MELK: variants seen among roughly 807,000 people sequenced by gnomAD.
The protein encoded by MELK is maternal embryonic leucine zipper kinase, also known as pEg3 kinase.
MELK carries 81 observed loss-of-function variants against 85.0 expected under a neutral mutation model. The ratio of observed to expected loss-of-function variants is 0.95; its 90% CI spans 0.80 to 1.15. The LOEUF (loss-of-function observed/expected upper bound fraction) is 1.15. MELK is among the 50% of genes most tolerant of loss of function. MELK has a pLI of 0.00. For missense variants in MELK, 754 were observed against 777.5 expected (o/e 0.97, Z 0.36); for synonymous variants, 252 against 265.0 (o/e 0.95, Z 0.48).
intron 8 of MELK, among the ~76,000 whole-genome samples, chr9:36,620,739 C>CG (rs2136212350): frequency 6.6e-6 from 1 of 151,412 alleles, no homozygotes; most frequent in South Asian, 2.1e-4. Flanking sequence ...TTAGTAGAGA[C>CG]GGGGTTTCAC....
chr9:36,665,965 C>G (rs1437072948), intron 14 of MELK, among the ~76,000 whole-genome samples: 1 of 152,180 alleles, frequency 6.6e-6, no homozygotes, highest in Non-Finnish European at 1.5e-5. Flanking sequence ...CCCATTTACC[C>G]CGACTTATGA....
intron 11 of MELK, among the ~76,000 whole-genome samples, chr9:36,646,071 A>G (rs1830192204): frequency 6.6e-6 from 1 of 152,180 alleles, no homozygotes; most frequent in Admixed American, 6.6e-5. Context: ...TACTAATGCC[A>G]TCTAGCGGGT....
intron 8 of MELK, among the ~76,000 whole-genome samples, chr9:36,615,701 C>T (rs1197358023): frequency 3.4e-5 from 5 of 145,702 alleles, no homozygotes; most frequent in South Asian, 2.3e-4. Flanking sequence ...CAGAGGCGCT[C>T]CTCACATCCC....
At chr9:36,608,361 GTTA>G (rs978140237) in intron 8 of MELK, among the ~76,000 whole-genome samples, 6 of 142,600 alleles carry the variant, frequency 4.2e-5, no homozygotes, top group African/African-American at 1.5e-4. Context: ...ATTTTATTAT[GTTA>G]TTGTTAATCT....
At chr9:36,665,071 A>T (rs1336101278) in intron 13 of MELK, among the ~76,000 whole-genome samples, 7 of 152,136 alleles carry the variant, frequency 4.6e-5, no homozygotes, top group Non-Finnish European at 1.5e-5. Flanking sequence ...TTTCTTAGTG[A>T]TTGATTTGTG....
rs370547140 is a variant in MELK, at chr9:36,630,388, A to C, written c.735+21A>C. 3.1e-5 allele frequency: 48 copies of C among 1,559,350 alleles called. No homozygotes were observed. In the African/African-American group the frequency reaches 6.1e-4, roughly 20 times the overall value. On this transcript the variant is annotated intron_variant, in intron 9 of 17. Transcript: ENST00000298048. ...TGCAGGTAAACTTTATTTTTAAATAATAGAAGTCTATTGTAATTGTTTGGT... is the reference window on the plus strand; with the variant it reads ...TGCAGGTAAACTTTATTTTTAAATACTAGAAGTCTATTGTAATTGTTTGGT...
At chr9:36,624,408 T>C (rs564227175) in intron 8 of MELK, among the ~76,000 whole-genome samples, 41 of 152,282 alleles carry the variant, frequency 2.7e-4, no homozygotes, top group African/African-American at 9.6e-4. Context: ...GCCAGAGAGA[T>C]TGAATAACTC....
At chr9:36,585,302 G>GTTTTTTTTTTTTTTTTTTTTT (rs869244728) in intron 3 of MELK, among the ~76,000 whole-genome samples, 1 of 77,830 alleles carries the variant, frequency 1.3e-5, no homozygotes, top group Admixed American at 1.6e-4. Context: ...ACCATTCTTT[G>GTTTTTTTTTTTTTTTTTTTTT]TTTTTTTTTT....
At chr9:36,660,884 G>A (rs370381199) in intron 13 of MELK, among the ~76,000 whole-genome samples, 5 of 152,156 alleles carry the variant, frequency 3.3e-5, no homozygotes, top group African/African-American at 9.6e-5. Flanking sequence ...CCAGCTACTC[G>A]GAAGGCTGAG....
intron 12 of MELK, 104 bp downstream of exon 12, chr9:36,651,981 G>T: frequency 5.0e-6 from 5 of 1,003,264 alleles, no homozygotes; most frequent in Non-Finnish European, 3.9e-6. Flanking sequence ...TCAGAGGCAA[G>T]ATGTTTTATG....
intron 10 of MELK, among the ~76,000 whole-genome samples, chr9:36,638,486 T>C (rs942807686): frequency 6.6e-6 from 1 of 152,120 alleles, no homozygotes; most frequent in Admixed American, 6.5e-5. Context: ...GGTTTATCCA[T>C]GTTGGTCAGG....
chr9:36,589,570 C>A lies in MELK; in HGVS notation c.179C>A (p.Ala60Asp). The change falls in exon 4 of 18, where the codon GCC becomes GAC. Residue 60 changes from alanine (A) to aspartate (D), a missense_variant. Physicochemically the swap from Ala to Asp is moderately radical, Grantham distance 126. Coordinates refer to ENST00000298048, the MANE Select transcript of MELK (RefSeq NM_014791.4). The stretch of plus-strand genomic sequence containing the variant: ...CCCCGGATCAAAACGGAGATTGAGG[C>A]CTTGAAGAACCTGAGACATCAGCAT... The part of the protein sequence containing the change: ...DLPRIKTEIE[A>D]LKNLRHQHIC... The A allele has an allele frequency of 6.2e-7, 1 of 1,613,974 alleles. No individual in the cohort carries two copies. Among genetic ancestry groups the A allele is most frequent in the East Asian group, 2.2e-5 (1 of 44,882 alleles).
At chr9:36,606,616 TA>T (rs1474221251) in intron 7 of MELK, among the ~76,000 whole-genome samples, 1 of 147,154 alleles carries the variant, frequency 6.8e-6, no homozygotes, top group African/African-American at 2.5e-5. Flanking sequence ...TACATATGTA[TA>T]GGTGTATATA....
intron 1 of MELK, among the ~76,000 whole-genome samples, chr9:36,574,342 G>A (rs1821406840): frequency 6.6e-6 from 1 of 150,882 alleles, no homozygotes; most frequent in African/African-American, 2.4e-5. Context: ...CCCAGCACTT[G>A]GGGAGGCCGA....
rs750084683 is a variant in MELK, at chr9:36,674,873, G to C, written c.1714G>C (p.Asp572His). The C allele has an allele frequency of 1.2e-6, 2 of 1,601,070 alleles. No homozygotes were observed. Among genetic ancestry groups the C allele is most frequent in the African/African-American group, 2.7e-5 (2 of 74,732 alleles). The change falls in exon 17 of 18, where the codon GAT becomes CAT. Residue 572 changes from aspartate to histidine, a missense_variant. Transcript: ENST00000298048. ...GACTACAACTAGATTAGTGAATCCA[G>C]ATCAACTGTTGAATGAAATAATGTC... ...NVTTTRLVNP[D>H]QLLNEIMSIL...
chr9:36,611,357 G>GT (rs137966982), intron 8 of MELK, among the ~76,000 whole-genome samples: 2,394 of 152,232 alleles, frequency 0.016, 53 homozygotes, highest in African/African-American at 0.055. Flanking sequence ...GGGAAATCAT[G>GT]TTTTCTGACC....
At chr9:36,672,388 T>A (rs1005538292) in intron 16 of MELK, among the ~76,000 whole-genome samples, 1 of 152,180 alleles carries the variant, frequency 6.6e-6, no homozygotes, top group African/African-American at 2.4e-5. Context: ...GGAAACTAGT[T>A]CAACCACATA....
chr9:36,627,184 C>T (rs942093417), intron 8 of MELK, among the ~76,000 whole-genome samples: 14 of 151,948 alleles, frequency 9.2e-5, no homozygotes, highest in African/African-American at 3.4e-4. Context: ...TTCTTATGAA[C>T]TGTCTAGGAT....
At position 36,630,341 on chromosome 9, in the gene MELK, A is replaced by G. The variant is rs1828416546; in HGVS notation, c.709A>G (p.Ile237Val). The change falls in exon 9 of 18, where the codon ATT becomes GTT. Residue 237 changes from isoleucine (I) to valine (V), a missense_variant. Physicochemically the swap from Ile to Val is conservative, Grantham distance 29. Transcript: ENST00000298048. ...TCCCAAGTGGCTCTCTCCCAGTAGC[A>G]TTCTGCTTCTTCAACAAATGCTGCA... ...DVPKWLSPSS[I>V]LLLQQMLQVD... is the part of the protein sequence containing the mutation. 1 of 1,611,988 alleles carries G rather than the reference A, an allele frequency of 6.2e-7. No individual in the cohort carries two copies. The highest frequency in any genetic ancestry group is 1.3e-5 in the African/African-American group (1 of 75,028).
Sources: allele counts gnomAD v4.1 joint callset (sites outside exome capture counted in the v4.1 genomes callset), GRCh38; gene constraint gnomAD v4.1.1; transcripts MANE v1.5; gene names NCBI Gene and HGNC (gene_info 2026-07-23, HGNC 2026-07-21).